The following SLC9A9 variants were observed in gnomAD, a reference collection of about 807,000 sequenced individuals.
The protein encoded by SLC9A9 is solute carrier family 9 member A9, also known as sodium/hydrogen exchanger 9.
In SLC9A9, 62 loss-of-function variants were observed where a neutral mutation model predicts 77.8. The ratio of observed to expected loss-of-function variants is 0.80; its 90% CI spans 0.65 to 0.98. SLC9A9 has a LOEUF of 0.98. Among genes scored for constraint, SLC9A9 ranks in the 50% least tolerant of loss-of-function variants. The pLI, the probability that SLC9A9 is intolerant of heterozygous loss-of-function variation, is 0.00. For synonymous variants in SLC9A9, 320 were observed against 283.5 expected, an observed-to-expected ratio of 1.13 and a Z score of -1.29; for missense variants, 775 against 774.9, an observed-to-expected ratio of 1.00 and a Z score of 0.00.
intron 1 of SLC9A9, chr3:143,847,454 G>A (rs1208558346): frequency 6.6e-6 from 1 of 152,162 alleles, no homozygotes; most frequent in Non-Finnish European, 1.5e-5. Flanking sequence ...CAATACTGCA[G>A]GTGTTAAATA....
chr3:143,515,661 T>C (rs368589682), intron 9 of SLC9A9, among the ~76,000 whole-genome samples: 1 of 152,242 alleles, frequency 6.6e-6, no homozygotes, highest in Admixed American at 6.5e-5. Flanking sequence ...ACTGAGAGAT[T>C]ATTTTCTCTT....
intron 12 of SLC9A9, among the ~76,000 whole-genome samples, chr3:143,444,029 G>A (rs1201377756): frequency 2.0e-5 from 3 of 151,992 alleles, no homozygotes; most frequent in South Asian, 2.1e-4. Context: ...ACTCCCCCAC[G>A]GCCACACCCA....
At chr3:143,693,488 A>T (rs960697906) in intron 4 of SLC9A9, among the ~76,000 whole-genome samples, 181 bp from the exon 5 acceptor site, 1 of 152,126 alleles carries the variant, frequency 6.6e-6, no homozygotes, top group South Asian at 2.1e-4. Flanking sequence ...ATGAAAGACA[A>T]TTTTACCAAA....
At chr3:143,632,825 T>C (rs1284851188) in intron 6 of SLC9A9, among the ~76,000 whole-genome samples, 1 of 152,192 alleles carries the variant, frequency 6.6e-6, no homozygotes, top group African/African-American at 2.4e-5. Context: ...GTTTGGGAGA[T>C]GGATGTAACT....
intron 12 of SLC9A9, among the ~76,000 whole-genome samples, chr3:143,437,706 C>A (rs2034648924): frequency 6.6e-6 from 1 of 152,148 alleles, no homozygotes; most frequent in Admixed American, 6.5e-5. Flanking sequence ...AAGAATAATT[C>A]CCCACCCCCA....
At chr3:143,450,453 G>A (rs1480457707) in intron 12 of SLC9A9, among the ~76,000 whole-genome samples, 1 of 151,478 alleles carries the variant, frequency 6.6e-6, no homozygotes, top group Non-Finnish European at 1.5e-5. Flanking sequence ...TTAGAAAAAC[G>A]TACTCAAGTG....
intron 2 of SLC9A9, among the ~76,000 whole-genome samples, chr3:143,815,395 G>A (rs1479591986): frequency 6.6e-6 from 1 of 152,146 alleles, no homozygotes; most frequent in Non-Finnish European, 1.5e-5. Context: ...TGCCTTAGAG[G>A]CCACTAGTTG....
intron 5 of SLC9A9, among the ~76,000 whole-genome samples, chr3:143,659,113 G>A (rs2038940643): frequency 6.6e-6 from 1 of 152,176 alleles, no homozygotes; most frequent in South Asian, 2.1e-4. Context: ...CTTCATACAA[G>A]CATTTTCCAA....
chr3:143,638,787 T>C (rs1181361742), intron 6 of SLC9A9, among the ~76,000 whole-genome samples: 1 of 152,224 alleles, frequency 6.6e-6, no homozygotes, highest in Non-Finnish European at 1.5e-5. Context: ...ACAGCTGCTC[T>C]TTCCCAAGGT....
At chr3:143,560,062 T>C (rs1325106558) in intron 8 of SLC9A9, among the ~76,000 whole-genome samples, 4 of 152,202 alleles carry the variant, frequency 2.6e-5, no homozygotes, top group Non-Finnish European at 5.9e-5. Flanking sequence ...CTTGACCACA[T>C]CTGGAAGTGC....
intron 4 of SLC9A9, among the ~76,000 whole-genome samples, chr3:143,727,418 A>G (rs1030973290): frequency 6.6e-6 from 1 of 152,176 alleles, no homozygotes; most frequent in Non-Finnish European, 1.5e-5. Flanking sequence ...AACCCATTCC[A>G]ATGACCTGGT....
At chr3:143,817,363 T>G (rs2009047422) in intron 2 of SLC9A9, among the ~76,000 whole-genome samples, 1 of 151,306 alleles carries the variant, frequency 6.6e-6, no homozygotes, top group African/African-American at 2.4e-5. Flanking sequence ...TTAGCCAGGA[T>G]GGTCTCGATC....
At chr3:143,482,597 C>T (rs1203100835) in intron 11 of SLC9A9, among the ~76,000 whole-genome samples, 2 of 152,194 alleles carry the variant, frequency 1.3e-5, no homozygotes, top group Admixed American at 6.5e-5. Context: ...CTCTTTAGCT[C>T]AGGAGTTCAC....
At chr3:143,431,508 A>C (rs1393204175) in intron 12 of SLC9A9, among the ~76,000 whole-genome samples, 1 of 128,790 alleles carries the variant, frequency 7.8e-6, no homozygotes, top group Non-Finnish European at 1.6e-5. Flanking sequence ...TTTGCGATGG[A>C]GTCTCGCTCT....
intron 12 of SLC9A9, among the ~76,000 whole-genome samples, chr3:143,440,603 C>A (rs543715745): frequency 6.6e-6 from 1 of 152,144 alleles, no homozygotes; most frequent in Non-Finnish European, 1.5e-5. Flanking sequence ...GGTATCCCAC[C>A]GGGTAAATGA....
At chr3:143,387,837 A>G (rs1209423332) in intron 12 of SLC9A9, among the ~76,000 whole-genome samples, 1 of 152,084 alleles carries the variant, frequency 6.6e-6, no homozygotes, top group Non-Finnish European at 1.5e-5. Context: ...AAAGCAAGGT[A>G]ACTAACAAAA....
intron 4 of SLC9A9, among the ~76,000 whole-genome samples, chr3:143,713,662 T>A (rs1200049124): frequency 6.6e-6 from 1 of 152,160 alleles, no homozygotes; most frequent in Non-Finnish European, 1.5e-5. Flanking sequence ...ATTTGTTCCA[T>A]ATAACAGAAA....
chr3:143,564,996 C>T (rs2037145375), intron 8 of SLC9A9, among the ~76,000 whole-genome samples: 1 of 152,124 alleles, frequency 6.6e-6, no homozygotes, highest in Admixed American at 6.6e-5. Flanking sequence ...ATTAGGCTTA[C>T]CCTCCTTACC....
intron 4 of SLC9A9, among the ~76,000 whole-genome samples, chr3:143,773,899 G>A (rs961960583): frequency 6.6e-6 from 1 of 152,174 alleles, no homozygotes; most frequent in Non-Finnish European, 1.5e-5. Flanking sequence ...TTGCATCCCT[G>A]TCTCTAGCAT....
Sources: allele counts gnomAD v4.1 joint callset (sites outside exome capture counted in the v4.1 genomes callset), GRCh38; gene constraint gnomAD v4.1.1; transcripts MANE v1.5; gene names NCBI Gene and HGNC (gene_info 2026-07-23, HGNC 2026-07-21).